TRAPPC9: variants seen among roughly 807,000 people sequenced by gnomAD.
TRAPPC9 encodes IKK2 binding protein.
In TRAPPC9, 83 loss-of-function variants were observed where a neutral mutation model predicts 124.0. That is an observed-to-expected ratio of 0.67 (90% confidence interval 0.56 to 0.80). The LOEUF is 0.80. TRAPPC9 is among the 30% of genes least tolerant of loss of function. The probability of loss-of-function intolerance (pLI) is 0.00; values close to 1 mark genes in which losing one functional copy is unlikely to be tolerated. For missense variants in TRAPPC9, 1,302 were observed against 1,508.3 expected (o/e 0.86, Z 2.27); for synonymous variants, 638 against 617.5 (o/e 1.03, Z -0.49).
At chr8:140,088,153 G>A (rs183815331) in intron 17 of TRAPPC9, among the ~76,000 whole-genome samples, 2 of 152,186 alleles carry the variant, frequency 1.3e-5, no homozygotes, top group Admixed American at 6.5e-5. Flanking sequence ...ACTCTCAGAA[G>A]CTATTTGATT....
intron 17 of TRAPPC9, among the ~76,000 whole-genome samples, chr8:140,047,205 G>A (rs923170537): frequency 2.0e-5 from 3 of 152,222 alleles, no homozygotes; most frequent in Admixed American, 6.5e-5. Flanking sequence ...TCACCCGCCC[G>A]GGCTGTGCCT....
At chr8:139,977,307 T>G (rs552706344) in intron 19 of TRAPPC9, among the ~76,000 whole-genome samples, 18 of 151,852 alleles carry the variant, frequency 1.2e-4, no homozygotes, top group Middle Eastern at 3.4e-3. Context: ...TTCACAACAG[T>G]ATCCATGAAG....
chr8:139,947,907 T>TATATATATATATATAGAGAGAGAG, intron 19 of TRAPPC9, among the ~76,000 whole-genome samples: 31 of 60,330 alleles, frequency 5.1e-4, no homozygotes, highest in East Asian at 8.8e-4. Context: ...TATATATATA[T>TATATATATATATATAGAGAGAGAG]AGAGAGAGAG....
chr8:140,404,952 T>A (rs1234575620), intron 6 of TRAPPC9, among the ~76,000 whole-genome samples: 1 of 106,826 alleles, frequency 9.4e-6, no homozygotes, highest in African/African-American at 2.9e-5. Flanking sequence ...GTGTGTCTCA[T>A]AGGCATAAAG....
intron 17 of TRAPPC9, among the ~76,000 whole-genome samples, chr8:140,197,818 G>A (rs577512417): frequency 6.6e-6 from 1 of 152,318 alleles, no homozygotes; most frequent in Non-Finnish European, 1.5e-5. Flanking sequence ...GACAAGGGCA[G>A]GGAAGGTGGT....
chr8:139,908,098 AATGAGGCCCTGG>A (rs1662143450), intron 20 of TRAPPC9, among the ~76,000 whole-genome samples: 1 of 152,198 alleles, frequency 6.6e-6, no homozygotes, highest in South Asian at 2.1e-4. Context: ...TGCCCAGCAC[AATGAGGCCCTGG>A]GAGGGGAGGG....
At chr8:140,096,602 A>T (rs1189283513) in intron 17 of TRAPPC9, 1 of 152,198 alleles carries the variant, frequency 6.6e-6, no homozygotes, top group Non-Finnish European at 1.5e-5. Context: ...GTAAAGAATG[A>T]CTCCAACGTA....
intron 18 of TRAPPC9, among the ~76,000 whole-genome samples, chr8:140,005,731 T>C (rs1477382478): frequency 6.6e-6 from 1 of 151,864 alleles, no homozygotes; most frequent in African/African-American, 2.4e-5. Context: ...TGGGACTCAC[T>C]AAAAGACATT....
At position 139,825,778 on chromosome 8, in the gene TRAPPC9, C is replaced by T. The variant is rs900605165; in HGVS notation, c.3055+60101G>A. ...AAGGGAGGCAATTCCGAAGAGCAGA[C>T]GAGCCTCCGAGACAACAGCCGTGAG... is the stretch of plus-strand genomic sequence containing the variant. On this transcript the variant is annotated intron_variant, in intron 21 of 22. Transcript: ENST00000438773. The surrounding 1 kb of genome is among the most constrained non-coding windows in gnomAD (Gnocchi z 4.6). Among the ~76,000 whole-genome samples, 3 of 152,004 alleles carry T rather than the reference C, an allele frequency of 2.0e-5. No homozygotes were observed. The highest frequency in any genetic ancestry group is 2.0e-4 in the Admixed American group (3 of 15,268).
intron 21 of TRAPPC9, among the ~76,000 whole-genome samples, chr8:139,735,483 C>A (rs1351086462): frequency 2.0e-5 from 3 of 152,180 alleles, no homozygotes; most frequent in Admixed American, 1.3e-4. Context: ...CAAGCCAGGC[C>A]TCAGTAAATG....
In TRAPPC9 at chr8:140,405,278, T is replaced by C. The variant is rs760854206; in HGVS notation, c.1008+299A>G. The C allele has an allele frequency of 1.4e-5, 4 of 281,968 alleles. No individual in the cohort carries two copies. In the South Asian group the frequency reaches 1.5e-4, roughly 11 times the overall value. The allele number at this position is 281,968 out of a possible 1,614,324, so 17.5% of individuals were successfully genotyped here. ...GCTCCATTTCTTAAAATATAAATAA[T>C]ATACATTGATAAAAGAACCAGAAAA... On this transcript the variant is annotated intron_variant, in intron 6 of 22. Transcript: ENST00000438773.
chr8:139,852,960 T>C (rs968630487), intron 21 of TRAPPC9, among the ~76,000 whole-genome samples: 1 of 152,168 alleles, frequency 6.6e-6, no homozygotes, highest in Admixed American at 6.5e-5. Flanking sequence ...CCCTGTCTGA[T>C]CATCTGGGTC....
chr8:140,106,677 G>C (rs577078963), intron 17 of TRAPPC9, among the ~76,000 whole-genome samples: 1 of 152,110 alleles, frequency 6.6e-6, no homozygotes, highest in South Asian at 2.1e-4. Flanking sequence ...TGACCAGCTG[G>C]GTGACCTTGA....
At chr8:140,013,574 G>C (rs1587492604) in intron 18 of TRAPPC9, among the ~76,000 whole-genome samples, 3 of 152,294 alleles carry the variant, frequency 2.0e-5, no homozygotes, top group African/African-American at 7.2e-5. Context: ...CTGACCATAG[G>C]TGAAAGGGAG....
Position 139,997,807 on chromosome 8 carries a change from T to C in TRAPPC9, c.2700-8971A>G, listed in dbSNP as rs1554603727. Among the ~76,000 whole-genome samples the C allele has an allele frequency of 2.3e-3, 299 of 132,784 alleles. 2 individuals are homozygous for C. Among genetic ancestry groups the C allele is most frequent in the African/African-American group, 8.1e-3 (273 of 33,678 alleles). The allele number at this position is 132,784 out of a possible 152,430, so 87.1% of individuals were successfully genotyped here. ...TCCTACACAGGGAGACAATGCATCC[T>C]ACACAGGGAGACAATGCATCCCACA... On this transcript the variant is annotated intron_variant, in intron 18 of 22. Transcript: ENST00000438773.
At chr8:140,194,561 A>G (rs1254560542) in intron 17 of TRAPPC9, among the ~76,000 whole-genome samples, 1 of 152,166 alleles carries the variant, frequency 6.6e-6, no homozygotes, top group Non-Finnish European at 1.5e-5. Context: ...TGGAACCCAC[A>G]TGGACACAGA....
At chr8:140,295,049 C>G (rs1293469430) in intron 11 of TRAPPC9, among the ~76,000 whole-genome samples, 1 of 152,124 alleles carries the variant, frequency 6.6e-6, no homozygotes, top group Non-Finnish European at 1.5e-5. Context: ...TCTGAAACCC[C>G]CTCATCTCAG....
intron 9 of TRAPPC9, among the ~76,000 whole-genome samples, chr8:140,312,758 CTTTTT>C (rs553049081): frequency 1.0e-5 from 1 of 98,574 alleles, no homozygotes. Context: ...TCTTCTTCTT[CTTTTT>C]TTTTTTTTTT....
At chr8:140,133,910 T>C (rs566775638) in intron 17 of TRAPPC9, among the ~76,000 whole-genome samples, 63 of 149,334 alleles carry the variant, frequency 4.2e-4, no homozygotes, top group African/African-American at 1.5e-3. Context: ...ATGACCTAAA[T>C]AAATGGCAGA....
Sources: gnomAD v4.1 joint callset for allele counts (sites outside exome capture counted in the v4.1 genomes callset) on GRCh38, gnomAD v4.1.1 for gene constraint, Gnocchi (gnomAD v3.1) non-coding constraint, MANE v1.5 for transcripts, NCBI Gene and HGNC (gene_info 2026-07-23, HGNC 2026-07-21) for gene names.